The following DNM1 variants were observed in gnomAD, a reference collection of about 807,000 sequenced individuals.
The protein encoded by DNM1 is dynamin 1, also known as dynamin-1.
In DNM1, 29 loss-of-function variants were observed where a neutral mutation model predicts 104.6. The observed-to-expected ratio is 0.28, with a 90% CI of 0.21 to 0.38. The LOEUF (loss-of-function observed/expected upper bound fraction) is 0.38. Ranked by LOEUF, DNM1 falls within the 10% of genes least tolerant of loss-of-function variation. The pLI is 1.00. For missense variants in DNM1, 640 were observed against 1,189.4 expected (o/e 0.54, Z 6.79); for synonymous variants, 445 against 475.8 (o/e 0.94, Z 0.84).
rs753953686 is a variant in DNM1 at position 128,220,048 on chromosome 9, G to A, written c.650G>A (p.Arg217His). ...LDLMDEGTDA[R>H]DVLENKLLPL... is the part of the protein sequence containing the mutation. ...CTGATGGACGAGGGCACAGATGCCC[G>A]TGATGTGCTGGAGAACAAGCTGCTC... Residue 217 changes from arginine (R) to histidine (H), a missense_variant, in exon 5 of 22, where the codon CGT becomes CAT. Coordinates refer to ENST00000372923, the MANE Select transcript of DNM1 (RefSeq NM_004408.4). The surrounding 1 kb of genome is among the most constrained non-coding windows in gnomAD (Gnocchi z 5.2). 4.3e-6 allele frequency: 7 copies of A among 1,610,152 alleles called. No homozygotes were observed. Among genetic ancestry groups the A allele is most frequent in the East Asian group, 4.5e-5 (2 of 44,784 alleles).
intron 20 of DNM1, 38 bp from the exon 21 acceptor site, chr9:128,250,685 ATC>A: frequency 1.4e-6 from 2 of 1,429,504 alleles, no homozygotes; most frequent in Non-Finnish European, 1.8e-6. Flanking sequence ...GGAGCTGCTC[ATC>A]TCGCCTCTCC....
At chr9:128,252,902 T>C (rs759062186) in intron 21 of DNM1, 10 of 690,282 alleles carry the variant, frequency 1.4e-5, no homozygotes, top group Non-Finnish European at 2.1e-5. Context: ...CCAGTGAGGG[T>C]GCTGGGCACT....
Position 128,222,564 on chromosome 9 carries a change from T to G in DNM1, c.1096T>G (p.Phe366Val), listed in dbSNP as rs1307908082. 2 of 1,614,150 alleles carry G rather than the reference T, an allele frequency of 1.2e-6. No homozygotes were observed. The highest frequency in any genetic ancestry group is 1.3e-5 in the African/African-American group (1 of 75,032). The change falls in exon 8 of 22, where the codon TTC becomes GTC. Residue 366 changes from phenylalanine (F) to valine (V), a missense_variant. Coordinates refer to ENST00000372923, the MANE Select transcript of DNM1 (RefSeq NM_004408.4). The surrounding 1 kb of genome is among the most constrained non-coding windows in gnomAD (Gnocchi z 7.8). ...LSGGARINRI[F>V]HERFPFELVK... Reference sequence around the variant, plus strand: ...AGGGGGAGCCCGCATTAACCGAATCTTCCACGAGCGCTTCCCTTTCGAGCT... The same window carrying G: ...AGGGGGAGCCCGCATTAACCGAATCGTCCACGAGCGCTTCCCTTTCGAGCT...
chr9:128,205,125 C>T (rs1833849291), intron 1 of DNM1, among the ~76,000 whole-genome samples: 1 of 152,182 alleles, frequency 6.6e-6, no homozygotes, highest in Non-Finnish European at 1.5e-5. Context: ...GCAGAGCCCC[C>T]CTTCTGATCA....
At chr9:128,213,235 C>G (rs2131123202) in intron 1 of DNM1, among the ~76,000 whole-genome samples, 1 of 152,198 alleles carries the variant, frequency 6.6e-6, no homozygotes, top group Non-Finnish European at 1.5e-5. Flanking sequence ...GCGCACGCCA[C>G]CACACCCTGC....
chr9:128,224,462 A>C lies in DNM1; in HGVS notation c.1335+73A>C. ...CACTGCTGCCAGGCGCTCCTTCCCC[A>C]TGTCCCCCCCTGCCTCCTCGGTAGC... On this transcript the variant is annotated intron_variant, in intron 10 of 21. Transcript: ENST00000372923. This position sits in a 1 kb window ranked among gnomAD's most constrained non-coding sequence, Gnocchi z 4.3. The C allele has an allele frequency of 2.0e-6, 3 of 1,467,182 alleles. No homozygotes were observed. Among genetic ancestry groups the C allele is most frequent in the South Asian group, 1.3e-5 (1 of 77,610 alleles). The allele number at this position is 1,467,182 out of a possible 1,614,324, so 90.9% of individuals were successfully genotyped here. A position where few individuals can be genotyped will look rare whatever the true frequency, so the allele number is the denominator to read the frequency against.
chr9:128,220,738 C>CGTGTGTGT lies in DNM1; in HGVS notation c.849+398_849+399insTGTGTGTG, dbSNP rs776283695. 6.3e-4 allele frequency among the ~76,000 whole-genome samples: 61 copies of CGTGTGTGT among 96,412 alleles called. 1 individual carries two copies. In the East Asian group the frequency reaches 0.016, roughly 25 times the overall value. The allele number at this position is 96,412 out of a possible 152,430, so 63.3% of individuals were successfully genotyped here. Reference sequence around the variant, plus strand: ...CATCCAGAACTGAAGTGCGCGCGCGCGCGCGTGTGTGTGTGTGTGTGTGTG... The same window carrying CGTGTGTGT: ...CATCCAGAACTGAAGTGCGCGCGCGCGTGTGTGTGCGCGTGTGTGTGTGTGTGTGTGTG... On this transcript the variant is annotated intron_variant, in intron 6 of 21. Coordinates refer to ENST00000372923, the MANE Select transcript of DNM1 (RefSeq NM_004408.4). This position sits in a 1 kb window ranked among gnomAD's most constrained non-coding sequence, Gnocchi z 5.2.
rs1358974645 is a variant in DNM1, at chr9:128,218,520, C to T, written c.236-62C>T. 2.6e-6 allele frequency: 4 copies of T among 1,564,934 alleles called. No individual in the cohort carries two copies. The highest frequency in any genetic ancestry group is 3.5e-6 in the Non-Finnish European group (4 of 1,149,408). ...TTCTATTACCGGTGGGAGATGAAAA[C>T]CCCCAGGTGGGGTTCCAGACCTTGA... On this transcript the variant is annotated intron_variant, in intron 2 of 21. Transcript: ENST00000372923. The surrounding 1 kb of genome is among the most constrained non-coding windows in gnomAD (Gnocchi z 4.8).
intron 1 of DNM1, among the ~76,000 whole-genome samples, chr9:128,217,592 AT>A (rs1276378585): frequency 1.3e-5 from 2 of 152,050 alleles, no homozygotes; most frequent in Admixed American, 6.5e-5. Context: ...ATTTTTTTGT[AT>A]TTTTAGTAGA....
chr9:128,251,418 A>C, intron 21 of DNM1: 4 of 284,284 alleles, frequency 1.4e-5, no homozygotes, highest in South Asian at 2.9e-5. Flanking sequence ...CCCAGCCCTG[A>C]CTCCTTTGAG....
intron 11 of DNM1, among the ~76,000 whole-genome samples, chr9:128,235,936 C>G (rs961414840): frequency 1.3e-5 from 2 of 152,034 alleles, no homozygotes; most frequent in Non-Finnish European, 2.9e-5. Flanking sequence ...AGGATGGTCT[C>G]AAACTTCTGG....
intron 1 of DNM1, among the ~76,000 whole-genome samples, chr9:128,207,910 G>A (rs1217729352): frequency 1.3e-5 from 2 of 151,976 alleles, no homozygotes; most frequent in Non-Finnish European, 2.9e-5. Context: ...GGTAGGGTAG[G>A]GGTCCTGAGG....
rs1273156979 is a variant in DNM1 at position 128,254,241 on chromosome 9, G to T, written c.2535-413G>T. ...TTCAAGCAGTGTTCTTTCTCTATCA[G>T]GCCTGGTGGCTGTTGCATGGGGCTC... On this transcript the variant is annotated intron_variant, in intron 21 of 21. Coordinates refer to ENST00000372923, the MANE Select transcript of DNM1 (RefSeq NM_004408.4). This position sits in a 1 kb window ranked among gnomAD's most constrained non-coding sequence, Gnocchi z 6.1. 7 of 1,374,784 alleles carry T rather than the reference G, an allele frequency of 5.1e-6. No individual in the cohort carries two copies. The highest frequency in any genetic ancestry group is 3.7e-5 in the Admixed American group (1 of 27,324). The allele number at this position is 1,374,784 out of a possible 1,614,324, so 85.2% of individuals were successfully genotyped here.
chr9:128,215,173 G>T (rs2131134074), intron 1 of DNM1, among the ~76,000 whole-genome samples: 1 of 152,348 alleles, frequency 6.6e-6, no homozygotes, highest in Admixed American at 6.5e-5. Flanking sequence ...AGACCTCTCG[G>T]GTCCTGGCAC....
intron 15 of DNM1, chr9:128,244,858 C>T (rs570941210): frequency 3.3e-5 from 17 of 514,000 alleles, no homozygotes; most frequent in African/African-American, 3.1e-4. Context: ...GTCTGTCCAT[C>T]CGGTGGGCGC....
intron 1 of DNM1, among the ~76,000 whole-genome samples, chr9:128,217,875 C>T (rs967034499): frequency 3.3e-5 from 5 of 152,150 alleles, no homozygotes; most frequent in African/African-American, 1.2e-4. Context: ...GGGCATTGGA[C>T]ACATAGGCAT....
At chr9:128,246,556 GAGT>G in intron 16 of DNM1, 53 bp downstream of exon 16, 1 of 1,374,762 alleles carries the variant, frequency 7.3e-7, no homozygotes, top group Non-Finnish European at 1.0e-6. Context: ...CACCCTCACT[GAGT>G]AGAAGCTGGG....
intron 1 of DNM1, chr9:128,204,053 G>C (rs1251042506): frequency 6.5e-6 from 1 of 154,230 alleles, no homozygotes; most frequent in Non-Finnish European, 1.4e-5. Flanking sequence ...GGCTCAATGG[G>C]GGACATCCCC....
At chr9:128,227,812 G>A (rs1031510319) in intron 10 of DNM1, among the ~76,000 whole-genome samples, 1 of 151,816 alleles carries the variant, frequency 6.6e-6, no homozygotes. Context: ...ATGTTACAAT[G>A]AACATCCTTA....
Sources: allele counts gnomAD v4.1 joint callset (sites outside exome capture counted in the v4.1 genomes callset), GRCh38; gene constraint gnomAD v4.1.1; non-coding constraint Gnocchi (gnomAD v3.1); transcripts MANE v1.5; gene names NCBI Gene and HGNC (gene_info 2026-07-23, HGNC 2026-07-21).